Variants in FYB2 observed in about 807,000 individuals in gnomAD.
FYB2 encodes FYN-binding protein 2.
Under a neutral mutation model 94.1 loss-of-function variants are expected in FYB2, and 103 were observed. The ratio of observed to expected loss-of-function variants is 1.09; its 90% confidence interval spans 0.93 to 1.29. The LOEUF (loss-of-function observed/expected upper bound fraction) is 1.29. Ranked by LOEUF, FYB2 falls within the 50% of genes most tolerant of loss-of-function variation. The pLI, the probability that FYB2 is intolerant of heterozygous loss-of-function variation, is 0.00. For missense variants in FYB2, 896 were observed against 841.5 expected (o/e 1.06, Z -0.80); for synonymous variants, 293 against 287.9 (o/e 1.02, Z -0.18).
chr1:56,762,625 TG>T, intron 5 of FYB2, among the ~76,000 whole-genome samples: 1 of 152,366 alleles, frequency 6.6e-6, no homozygotes, highest in African/African-American at 2.4e-5. Flanking sequence ...GGAGGGTTTT[TG>T]TGTGCTTTTT....
Position 56,720,810 on chromosome 1 carries a change from A to G in FYB2, c.1975-481T>C, listed in dbSNP as rs1644471078. On this transcript the variant is annotated intron_variant, in intron 17 of 19. Transcript: ENST00000343433. ...AGACCCCAGTGTTTGCACAACCGTT[A>G]TTTAATTGTACTAGAATGAGCCCTG... 2.0e-5 allele frequency: 3 copies of G among 153,170 alleles called. No individual in the cohort carries two copies. In the South Asian group the frequency reaches 6.2e-4, roughly 32 times the overall value. 9.5% of individuals were successfully genotyped at this position (153,170 alleles called of 1,614,324 possible). A position where few individuals can be genotyped will look rare whatever the true frequency, so the allele number is the denominator to read the frequency against.
chr1:56,744,086 A>G lies in FYB2; in HGVS notation c.1503-20T>C. 2 of 1,612,688 alleles carry G rather than the reference A, an allele frequency of 1.2e-6. No homozygotes were observed. The highest frequency in any genetic ancestry group is 1.1e-5 in the South Asian group (1 of 91,054). ...TTCGGTCTATGGGAGAAAATAACAA[A>G]GACCATTATTGTACCTTTAAAGTCT... On this transcript the variant is annotated intron_variant, in intron 10 of 19. Coordinates refer to ENST00000343433, the MANE Select transcript of FYB2 (RefSeq NM_001004303.5).
rs750895484 is a variant in FYB2, at chr1:56,753,952, T to C, written c.1131-17A>G. 7 of 1,452,600 alleles carry C rather than the reference T, an allele frequency of 4.8e-6. No homozygotes were observed. The highest frequency in any genetic ancestry group is 5.5e-6 in the Non-Finnish European group (6 of 1,087,456). The allele number at this position is 1,452,600 out of a possible 1,614,324, so 90.0% of individuals were successfully genotyped here. A position where few individuals can be genotyped will look rare whatever the true frequency, so the allele number is the denominator to read the frequency against. ...TGTTTAGCACTGAAATGTGAAGAGA[T>C]ACCAGGAAAAAAATGAAGCTTAGAG... is the stretch of plus-strand genomic sequence containing the variant. On this transcript the variant is annotated splice_polypyrimidine_tract_variant and intron_variant, in intron 7 of 19. Transcript: ENST00000343433.
intron 4 of FYB2, among the ~76,000 whole-genome samples, chr1:56,786,406 T>A (rs1194923399): frequency 1.3e-5 from 2 of 152,234 alleles, no homozygotes. Context: ...TCCTTTCCTC[T>A]ATTACAAAAC....
chr1:56,771,344 G>A (rs185310313), intron 4 of FYB2, among the ~76,000 whole-genome samples: 121 of 152,034 alleles, frequency 8.0e-4, no homozygotes, highest in African/African-American at 2.4e-3. Context: ...ACACAGCTTC[G>A]TAAAAAAAAG....
chr1:56,755,836 T>G (rs1431422913), intron 7 of FYB2, 60 bp downstream of exon 7: 4 of 1,500,960 alleles, frequency 2.7e-6, no homozygotes, highest in Non-Finnish European at 3.7e-6. Flanking sequence ...GGAAAACTAG[T>G]TCAGTCATCA....
rs530397803 is a variant in FYB2 at position 56,720,366 on chromosome 1, T to G, written c.1975-37A>C. On this transcript the variant is annotated intron_variant, in intron 17 of 19. Transcript: ENST00000343433. ...AATTACTAATCAGACCATTCTTGCA[T>G]AGTTGTTATTTTTCATAACAAAATT... The G allele has an allele frequency of 8.5e-6, 13 of 1,531,670 alleles. No homozygotes were observed. In the African/African-American group the frequency reaches 1.8e-4, roughly 21 times the overall value. The allele number at this position is 1,531,670 out of a possible 1,614,324, so 94.9% of individuals were successfully genotyped here.
intron 4 of FYB2, 127 bp downstream of exon 4, chr1:56,787,048 T>C: frequency 9.8e-7 from 1 of 1,021,118 alleles, no homozygotes; most frequent in Non-Finnish European, 1.5e-6. Context: ...TGCTTATAAG[T>C]TCACTGCTTC....
At chr1:56,768,642 T>A (rs1645683007) in intron 4 of FYB2, among the ~76,000 whole-genome samples, 1 of 152,180 alleles carries the variant, frequency 6.6e-6, no homozygotes, top group South Asian at 2.1e-4. Context: ...TCTGAAATTA[T>A]TCTGTAAAGA....
intron 7 of FYB2, among the ~76,000 whole-genome samples, chr1:56,755,363 G>T (rs1241879681): frequency 1.3e-5 from 2 of 152,098 alleles, no homozygotes; most frequent in Non-Finnish European, 2.9e-5. Context: ...CAAGGGATTG[G>T]TCACTTCTCT....
rs774591702 is a variant in FYB2 at position 56,737,083 on chromosome 1, T to C, written c.1793+4A>G. ...AGGGATGACCAATAAGGTAAATTACTTACTTTGACTCTTTTTCACTCAGGT... is the reference window on the plus strand; with the variant it reads ...AGGGATGACCAATAAGGTAAATTACCTACTTTGACTCTTTTTCACTCAGGT... On this transcript the variant is annotated splice_donor_region_variant and intron_variant, in intron 15 of 19. Coordinates refer to ENST00000343433, the MANE Select transcript of FYB2 (RefSeq NM_001004303.5). 5 of 1,592,720 alleles carry C rather than the reference T, an allele frequency of 3.1e-6. No homozygotes were observed. In the Admixed American group the frequency reaches 8.5e-5, roughly 27 times the overall value.
chr1:56,759,790 T>C (rs1645444803), intron 5 of FYB2, among the ~76,000 whole-genome samples: 2 of 151,966 alleles, frequency 1.3e-5, no homozygotes, highest in South Asian at 2.1e-4. Flanking sequence ...AGGAAATAAT[T>C]TAAGAAATTT....
chr1:56,791,534 C>A (rs1405301303), intron 2 of FYB2, among the ~76,000 whole-genome samples: 1 of 152,138 alleles, frequency 6.6e-6, no homozygotes, highest in African/African-American at 2.4e-5. Context: ...AGGCATAAGC[C>A]ACCGTGCCCA....
chr1:56,755,940 T>C lies in FYB2; in HGVS notation c.1099-13A>G. The stretch of plus-strand genomic sequence containing the variant: ...AATTCTTCCCAGGCTGAAAGTAAAG[T>C]GGAAAATGGTTATTTTCATAAATCA... On this transcript the variant is annotated splice_polypyrimidine_tract_variant and intron_variant, in intron 6 of 19. Transcript: ENST00000343433. 1.2e-6 allele frequency: 2 copies of C among 1,607,478 alleles called. No homozygotes were observed. The highest frequency in any genetic ancestry group is 1.7e-6 in the Non-Finnish European group (2 of 1,174,564).
At chr1:56,822,254 T>C (rs1646997086), upstream of FYB2, among the ~76,000 whole-genome samples, 1 of 152,194 alleles carries the variant, frequency 6.6e-6, no homozygotes, top group Admixed American at 6.5e-5. Flanking sequence ...GATCAGAGAC[T>C]TCAATCCAGG....
chr1:56,778,201 T>C (rs1054580401), intron 4 of FYB2, among the ~76,000 whole-genome samples: 1 of 152,196 alleles, frequency 6.6e-6, no homozygotes, highest in Non-Finnish European at 1.5e-5. Flanking sequence ...GTCTCACCTC[T>C]GTCCCCTTTG....
intron 15 of FYB2, among the ~76,000 whole-genome samples, chr1:56,728,359 A>G (rs1644628845): frequency 6.6e-6 from 1 of 152,068 alleles, no homozygotes; most frequent in African/African-American, 2.4e-5. Flanking sequence ...GCACATTTTT[A>G]TAGCAGGTCC....
chr1:56,768,012 C>G, intron 4 of FYB2, 74 bp from the exon 5 acceptor site: 1 of 1,186,162 alleles, frequency 8.4e-7, no homozygotes. Flanking sequence ...ATTTTTTCCT[C>G]ATTAGAGAAA....
chr1:56,746,737 CA>C (rs898171582), intron 9 of FYB2, among the ~76,000 whole-genome samples: 3 of 151,926 alleles, frequency 2.0e-5, no homozygotes, highest in African/African-American at 7.2e-5. Context: ...GGGGCTATTA[CA>C]AAAAGTTTTG....
Sources: gnomAD v4.1 joint callset for allele counts (sites outside exome capture counted in the v4.1 genomes callset) on GRCh38, gnomAD v4.1.1 for gene constraint, MANE v1.5 for transcripts, NCBI Gene and HGNC (gene_info 2026-07-23, HGNC 2026-07-21) for gene names.